CFH: variants seen among roughly 807,000 people sequenced by gnomAD.
The protein encoded by CFH is complement factor H.
In CFH, 53 loss-of-function variants were observed where a neutral mutation model predicts 147.3. That is an observed-to-expected ratio of 0.36 (90% CI 0.29 to 0.45). CFH has a LOEUF of 0.45. Among genes scored for constraint, CFH ranks in the 20% least tolerant of loss-of-function variants. CFH has a pLI of 1.00. For missense variants in CFH, 1,380 were observed against 1,498.0 expected (o/e 0.92, Z 1.30); for synonymous variants, 536 against 489.4 (o/e 1.10, Z -1.26).
intron 1 of CFH, among the ~76,000 whole-genome samples, chr1:196,656,158 G>A (rs1191021979): frequency 6.6e-6 from 1 of 152,036 alleles, no homozygotes. Flanking sequence ...ACAAAAATTA[G>A]CCAGGCGTGG....
In CFH at chr1:196,703,478, C is replaced by A. The variant is rs572578010; in HGVS notation, c.1337-10257C>A. 2.6e-5 allele frequency among the ~76,000 whole-genome samples: 4 copies of A among 152,296 alleles called. No homozygotes were observed. In the South Asian group the frequency reaches 8.3e-4, roughly 32 times the overall value. On this transcript the variant is annotated intron_variant, in intron 9 of 21. Transcript: ENST00000367429. ...GGCTTCTCCTGACCCAGACAACACC[C>A]TCCATATTTCCCACATGGGGCTTGA...
At chr1:196,653,039 C>A (rs1304034769) in intron 1 of CFH, among the ~76,000 whole-genome samples, 2 of 151,718 alleles carry the variant, frequency 1.3e-5, no homozygotes, top group Non-Finnish European at 3.0e-5. Flanking sequence ...TTTCTAAAAT[C>A]TTTTCACTTA....
At chr1:196,703,760 A>C (rs1455574728) in intron 9 of CFH, among the ~76,000 whole-genome samples, 1 of 151,978 alleles carries the variant, frequency 6.6e-6, no homozygotes, top group Non-Finnish European at 1.5e-5. Context: ...TGAGATGGGC[A>C]GATCACAAGG....
intron 1 of CFH, among the ~76,000 whole-genome samples, chr1:196,667,841 A>G (rs1169864377): frequency 2.0e-5 from 3 of 152,116 alleles, no homozygotes; most frequent in African/African-American, 7.2e-5. Flanking sequence ...TCTCAATATT[A>G]TTGGTTTAGT....
intron 1 of CFH, among the ~76,000 whole-genome samples, chr1:196,672,720 T>G: frequency 6.6e-6 from 1 of 152,244 alleles, no homozygotes; most frequent in Middle Eastern, 3.4e-3. Flanking sequence ...TTTGCAAAGT[T>G]TTTTAGGTGT....
In CFH at chr1:196,692,822, C is replaced by CTTTCTTTCTTTT. The variant is rs1367433142; in HGVS notation, c.1336+2584_1336+2585insTTCTTTCTTTTT. On this transcript the variant is annotated intron_variant, in intron 9 of 21. Transcript: ENST00000367429. ...TCTTTCTTTCTTTCTTTCTTTCTTT[C>CTTTCTTTCTTTT]TCTTTCCTTCTTTCTTTCTTCCTTC... Among the ~76,000 whole-genome samples, 31 of 22,524 alleles carry CTTTCTTTCTTTT rather than the reference C, an allele frequency of 1.4e-3. 1 individual carries two copies. The highest frequency in any genetic ancestry group is 2.0e-3 in the Non-Finnish European group (26 of 12,732). 14.8% of individuals were successfully genotyped at this position (22,524 alleles called of 152,430 possible).
chr1:196,739,524 A>T (rs528670903), intron 17 of CFH, among the ~76,000 whole-genome samples: 2 of 152,274 alleles, frequency 1.3e-5, no homozygotes, highest in East Asian at 3.9e-4. Context: ...CCTTTACTCC[A>T]GTTTCAAACA....
At chr1:196,663,552 A>T (rs1212062566) in intron 1 of CFH, among the ~76,000 whole-genome samples, 2 of 152,140 alleles carry the variant, frequency 1.3e-5, no homozygotes, top group Non-Finnish European at 2.9e-5. Context: ...TCAAATATCT[A>T]TTTTGTTCCT....
chr1:196,746,058 C>A, intron 21 of CFH, 59 bp downstream of exon 21: 1 of 1,611,144 alleles, frequency 6.2e-7, no homozygotes, highest in African/African-American at 1.3e-5. Context: ...TGATATTTCA[C>A]TGTTTGTAAC....
chr1:196,688,768 G>T (rs1251659942), intron 7 of CFH, among the ~76,000 whole-genome samples: 1 of 151,890 alleles, frequency 6.6e-6, no homozygotes, highest in African/African-American at 2.4e-5. Context: ...GCACCACCAG[G>T]CCCGGCTAAT....
intron 7 of CFH, among the ~76,000 whole-genome samples, chr1:196,687,128 C>A (rs1363425726): frequency 6.6e-6 from 1 of 151,870 alleles, no homozygotes; most frequent in Non-Finnish European, 1.5e-5. Flanking sequence ...GGACTTGGGT[C>A]AAATAAATTA....
chr1:196,706,295 A>G (rs570198259), intron 9 of CFH, among the ~76,000 whole-genome samples: 1 of 152,304 alleles, frequency 6.6e-6, no homozygotes, highest in Middle Eastern at 3.4e-3. Context: ...AAGAAAAACA[A>G]TTAAGCATGC....
intron 1 of CFH, among the ~76,000 whole-genome samples, chr1:196,671,061 T>C (rs1366088925): frequency 1.3e-5 from 2 of 152,184 alleles, no homozygotes; most frequent in Admixed American, 1.3e-4. Flanking sequence ...TTAATAAGTT[T>C]GTATTGTGCT....
At chr1:196,737,732 G>T in intron 17 of CFH, 72 bp downstream of exon 17, 1 of 1,295,122 alleles carries the variant, frequency 7.7e-7, no homozygotes. Context: ...TTATCAAAGT[G>T]AGGGGAATAA....
chr1:196,667,500 C>T (rs1258004677), intron 1 of CFH, among the ~76,000 whole-genome samples: 1 of 152,056 alleles, frequency 6.6e-6, no homozygotes, highest in Non-Finnish European at 1.5e-5. Flanking sequence ...GATATTAATA[C>T]ATTAATATCA....
intron 15 of CFH, among the ~76,000 whole-genome samples, chr1:196,730,927 GT>G (rs907307361): frequency 1.3e-5 from 2 of 151,468 alleles, no homozygotes; most frequent in Non-Finnish European, 3.0e-5. Flanking sequence ...ATTTTTATAG[GT>G]TTTTTTCCAT....
At chr1:196,741,513 C>G (rs913160213) in intron 18 of CFH, 2 of 293,626 alleles carry the variant, frequency 6.8e-6, no homozygotes, top group African/African-American at 4.5e-5. Context: ...CACCAGGTCT[C>G]TCTCTCAACA....
At chr1:196,728,733 G>GCACACA (rs34018998) in intron 15 of CFH, among the ~76,000 whole-genome samples, 161 of 145,146 alleles carry the variant, frequency 1.1e-3, no homozygotes, top group African/African-American at 3.4e-3. Flanking sequence ...ACACACACAC[G>GCACACA]CACACACACA....
intron 1 of CFH, among the ~76,000 whole-genome samples, chr1:196,662,998 C>T (rs188161718): frequency 3.9e-5 from 6 of 152,160 alleles, no homozygotes; most frequent in East Asian, 1.9e-4. Context: ...TACCTGGTGG[C>T]GTCTGCTATT....
Sources: gnomAD v4.1 joint callset for allele counts (sites outside exome capture counted in the v4.1 genomes callset) on GRCh38, gnomAD v4.1.1 for gene constraint, MANE v1.5 for transcripts, NCBI Gene and HGNC (gene_info 2026-07-23, HGNC 2026-07-21) for gene names.